Variants in PLEKHG6 observed in about 807,000 individuals in gnomAD.
PLEKHG6 encodes pleckstrin homology and RhoGEF domain containing G6, also known as pleckstrin homology domain-containing family G member 6.
Under a neutral mutation model 97.5 loss-of-function variants are expected in PLEKHG6, and 91 were observed. That is an observed-to-expected ratio of 0.93 (90% CI 0.79 to 1.11). The LOEUF is 1.11. PLEKHG6 is among the 50% of genes most tolerant of loss of function. The probability of loss-of-function intolerance (pLI) is 0.00; values close to 1 mark genes in which losing one functional copy is unlikely to be tolerated. For synonymous variants in PLEKHG6, 466 were observed against 425.5 expected (o/e 1.10, Z -1.17); for missense variants, 1,044 against 1,031.0 (o/e 1.01, Z -0.17).
chr12:6,319,717 A>G, intron 13 of PLEKHG6: 1 of 1,513,834 alleles, frequency 6.6e-7, no homozygotes, highest in Non-Finnish European at 8.8e-7. Context: ...GTCATCTTCC[A>G]TTCGCAGACA....
rs1216539124 is a variant in PLEKHG6, at chr12:6,327,742, C to A, written c.2159C>A (p.Pro720His). ...TCAGGGGAGGAGGAAGAAGAGGGGC[C>A]TCTGTTCCTGAAAGCTGGCCACACA... Reference protein sequence around the residue: ...ESSGEEEEEGPLFLKAGHTSL... With the variant: ...ESSGEEEEEGHLFLKAGHTSL... Residue 720 changes from proline to histidine, a missense_variant, in exon 15 of 16, where the codon CCT (proline) becomes CAT (histidine). By Grantham distance (77) the Pro-to-His change is moderately conservative. Transcript: ENST00000684764. The A allele has an allele frequency of 6.5e-7, 1 of 1,549,826 alleles. No individual in the cohort carries two copies. Among genetic ancestry groups the A allele is most frequent in the Non-Finnish European group, 8.7e-7 (1 of 1,151,512 alleles).
At position 6,327,871 on chromosome 12, in the gene PLEKHG6, G is replaced by A. The variant is rs370286788; in HGVS notation, c.2288G>A (p.Arg763Gln). The change falls in exon 15 of 16, where the codon CGG becomes CAG. Residue 763 changes from arginine to glutamine, a missense_variant. Coordinates refer to ENST00000684764, the MANE Select transcript of PLEKHG6 (RefSeq NM_001384598.1). ...GAEEPRDSRP[R>Q]KLTRAQLQRM... Reference sequence around the variant, plus strand: ...GAGGAGCCCCGGGACAGCAGGCCACGGAAGCTGACTCGGGCCCAGCTGCAG... The same window carrying A: ...GAGGAGCCCCGGGACAGCAGGCCACAGAAGCTGACTCGGGCCCAGCTGCAG... 18 of 1,498,996 alleles carry A rather than the reference G, an allele frequency of 1.2e-5. No homozygotes were observed. The highest frequency in any genetic ancestry group is 2.7e-5 in the South Asian group (2 of 73,018). 92.9% of individuals were successfully genotyped at this position (1,498,996 alleles called of 1,614,324 possible).
At chr12:6,313,150 A>G in intron 2 of PLEKHG6, 1 of 1,548,794 alleles carries the variant, frequency 6.5e-7, no homozygotes, top group Non-Finnish European at 8.7e-7. Flanking sequence ...GCTGGATGGG[A>G]TGCAGGCTGC....
chr12:6,324,720 C>A lies in PLEKHG6; in HGVS notation c.1525-1708C>A, dbSNP rs113209939. 8.3e-3 allele frequency among the ~76,000 whole-genome samples: 1,266 copies of A among 152,298 alleles called. 19 individuals carry two copies. Among genetic ancestry groups the A allele is most frequent in the African/African-American group, 0.028 (1,166 of 41,566 alleles). On this transcript the variant is annotated intron_variant, in intron 13 of 15. Coordinates refer to ENST00000684764, the MANE Select transcript of PLEKHG6 (RefSeq NM_001384598.1). Reference sequence around the variant, plus strand: ...AGAGCCAGAAAAAGCAGAATGGGAACTATAAGCCTGGTGTCATTTTCCTAT... The same window carrying A: ...AGAGCCAGAAAAAGCAGAATGGGAAATATAAGCCTGGTGTCATTTTCCTAT...
rs768627778 is a variant in PLEKHG6, at chr12:6,327,493, A to G, written c.1910A>G (p.Asp637Gly). The change falls in exon 15 of 16, where the codon GAC (aspartate) becomes GGC (glycine). Residue 637 changes from aspartate (D) to glycine (G), a missense_variant. Physicochemically the swap from Asp to Gly is moderately conservative, Grantham distance 94 (BLOSUM62 -1). Coordinates refer to ENST00000684764, the MANE Select transcript of PLEKHG6 (RefSeq NM_001384598.1). ...RDIPLRPHPP[D>G]PQAPQRRSAP... ...ATCCCTCTGCGTCCCCACCCTCCCG[A>G]CCCCCAAGCTCCTCAACGCCGAAGC... is the stretch of plus-strand genomic sequence containing the variant. 3.5e-5 allele frequency: 16 copies of G among 463,258 alleles called. No homozygotes were observed. Among genetic ancestry groups the G allele is most frequent in the South Asian group, 8.3e-5 (5 of 60,558 alleles). The allele number at this position is 463,258 out of a possible 1,614,324, so 28.7% of individuals were successfully genotyped here.
Position 6,316,450 on chromosome 12 carries a change from C to A in PLEKHG6, c.756+46C>A. 2.6e-6 allele frequency: 4 copies of A among 1,510,368 alleles called. No individual in the cohort carries two copies. Among genetic ancestry groups the A allele is most frequent in the Admixed American group, 2.1e-5 (1 of 46,532 alleles). The allele number at this position is 1,510,368 out of a possible 1,614,324, so 93.6% of individuals were successfully genotyped here. On this transcript the variant is annotated intron_variant, in intron 7 of 15. Transcript: ENST00000684764. This position sits in a 1 kb window ranked among gnomAD's most constrained non-coding sequence, Gnocchi z 4.1. Reference sequence around the variant, plus strand: ...TGTCTGGATGGGGCAGGACTCGGAGCCCTCGGGGGTCCTGTGTGTAGGGCA... The same window carrying A: ...TGTCTGGATGGGGCAGGACTCGGAGACCTCGGGGGTCCTGTGTGTAGGGCA...
chr12:6,310,929 AGGCCT>A (rs1406292966), intron 1 of PLEKHG6, 81 bp downstream of exon 1: 6 of 152,674 alleles, frequency 3.9e-5, no homozygotes, highest in African/African-American at 1.2e-4. Context: ...AGGGGAAGGA[AGGCCT>A]GGCCTCCCGA....
intron 13 of PLEKHG6, among the ~76,000 whole-genome samples, chr12:6,322,136 C>T (rs1302915969): frequency 1.3e-5 from 2 of 152,202 alleles, no homozygotes; most frequent in Non-Finnish European, 2.9e-5. Context: ...CACAGTTGGC[C>T]TCCCGAAGCT....
At chr12:6,313,568 C>T in intron 2 of PLEKHG6, 61 bp from the exon 3 acceptor site, 1 of 1,591,042 alleles carries the variant, frequency 6.3e-7, no homozygotes, top group African/African-American at 1.3e-5. Flanking sequence ...CCCCCTACTA[C>T]CTCTCTGGGG....
intron 2 of PLEKHG6, 68 bp from the exon 3 acceptor site, chr12:6,313,561 C>T (rs1947346514): frequency 1.3e-6 from 2 of 1,572,410 alleles, no homozygotes; most frequent in Admixed American, 1.7e-5. Flanking sequence ...AGCCTGCCCC[C>T]CTACTACCTC....
chr12:6,328,009 G>GGC (rs397723499), intron 15 of PLEKHG6, 63 bp downstream of exon 15: 243 of 1,558,470 alleles, frequency 1.6e-4, no homozygotes, highest in Non-Finnish European at 2.0e-4. Context: ...TGGTGGTGGG[G>GGC]TGTAGTATAG....
At position 6,327,372 on chromosome 12, in the gene PLEKHG6, A is replaced by T. The variant is rs772083893; in HGVS notation, c.1789A>T (p.Thr597Ser). ...TGGCTACGGCACTTTGATCCCAGGC[A>T]CCCCCACGGGGTCCCGCTCCCCACT... ...DSGYGTLIPG[T>S]PTGSRSPLSR... is the part of the protein sequence containing the mutation. The change falls in exon 15 of 16, where the codon ACC becomes TCC. Residue 597 changes from threonine to serine, a missense_variant. Physicochemically the swap from Thr to Ser is moderately conservative, Grantham distance 58. Coordinates refer to ENST00000684764, the MANE Select transcript of PLEKHG6 (RefSeq NM_001384598.1). The T allele has an allele frequency of 6.2e-7, 1 of 1,613,778 alleles. No individual in the cohort carries two copies. Among genetic ancestry groups the T allele is most frequent in the Admixed American group, 1.7e-5 (1 of 59,992 alleles).
intron 13 of PLEKHG6, 33 bp from the exon 14 acceptor site, chr12:6,326,395 A>G (rs1488021616): frequency 2.5e-6 from 4 of 1,576,216 alleles, no homozygotes; most frequent in Non-Finnish European, 3.5e-6. Context: ...TCAATAAATG[A>G]GAGCTCTTAA....
In PLEKHG6 at chr12:6,317,555, G is replaced by A. The variant is rs758943613; in HGVS notation, c.876G>A (p.Glu292=). 6.8e-6 allele frequency: 11 copies of A among 1,613,576 alleles called. No individual in the cohort carries two copies. The highest frequency in any genetic ancestry group is 1.6e-4 in the Middle Eastern group (1 of 6,082). Residue 292 remains glutamate, a synonymous_variant, in exon 9 of 16, where the codon GAG becomes GAA. Coordinates refer to ENST00000684764, the MANE Select transcript of PLEKHG6 (RefSeq NM_001384598.1). ...ACCCACCTTCCCTGCAGTGGTGTGA[G>A]AAGCACAAGCGCTCTGGGAGGCAGA... ...PLFHAFVQWC[E]KHKRSGRQML...
intron 2 of PLEKHG6, chr12:6,313,294 T>G: frequency 9.1e-7 from 1 of 1,093,192 alleles, no homozygotes; most frequent in Non-Finnish European, 1.4e-6. Context: ...CCCCCCATGG[T>G]ACGGAGAGCA....
chr12:6,315,023 G>C lies in PLEKHG6; in HGVS notation c.313G>C (p.Glu105Gln). ...PKLKELTKAH[E>Q]LEVRLHTFSM... ...CCCCCAGGAACTCACCAAGGCCCAT[G>C]AGCTGGAGGTGAGGCTGCACACTTT... The change falls in exon 4 of 16, where the codon GAG (glutamate) becomes CAG (glutamine). Residue 105 changes from glutamate to glutamine, a missense_variant. Coordinates refer to ENST00000684764, the MANE Select transcript of PLEKHG6 (RefSeq NM_001384598.1). This position sits in a 1 kb window ranked among gnomAD's most constrained non-coding sequence, Gnocchi z 4.5. The C allele has an allele frequency of 6.2e-7, 1 of 1,613,860 alleles. No homozygotes were observed.
chr12:6,316,524 C>A lies in PLEKHG6; in HGVS notation c.756+120C>A. On this transcript the variant is annotated intron_variant, in intron 7 of 15. Coordinates refer to ENST00000684764, the MANE Select transcript of PLEKHG6 (RefSeq NM_001384598.1). The surrounding 1 kb of genome is among the most constrained non-coding windows in gnomAD (Gnocchi z 4.1). ...TGATTTGAGGGGCCGCAGGACACAG[C>A]CCCTACCCCTAATATCACCTCACCT... 1 of 904,392 alleles carries A rather than the reference C, an allele frequency of 1.1e-6. No individual in the cohort carries two copies. Among genetic ancestry groups the A allele is most frequent in the Non-Finnish European group, 1.6e-6 (1 of 624,222 alleles). The allele number at this position is 904,392 out of a possible 1,614,324, so 56.0% of individuals were successfully genotyped here.
At position 6,319,067 on chromosome 12, in the gene PLEKHG6, A is replaced by G. The variant is rs377006265; in HGVS notation, c.1483A>G (p.Thr495Ala). ...CCTCCTTGTGCACTGTCCCAGTCCT[A>G]CAGACCGTGCCCAGTGGCTGGAGAA... Reference protein sequence around the residue: ...SALLVHCPSPTDRAQWLEKTQ... With the variant: ...SALLVHCPSPADRAQWLEKTQ... Residue 495 changes from threonine (T) to alanine (A), a missense_variant, in exon 13 of 16, where the codon ACA (threonine) becomes GCA (alanine). Physicochemically the swap from Thr to Ala is moderately conservative, Grantham distance 58 (BLOSUM62 0). Transcript: ENST00000684764. The G allele has an allele frequency of 5.0e-6, 8 of 1,611,764 alleles. No individual in the cohort carries two copies. In the African/African-American group the frequency reaches 8.0e-5, roughly 16 times the overall value.
At position 6,312,219 on chromosome 12, in the gene PLEKHG6, G is replaced by C; in HGVS notation, c.-8G>C. On this transcript the variant is annotated 5_prime_UTR_variant, in exon 2 of 16. Coordinates refer to ENST00000684764, the MANE Select transcript of PLEKHG6 (RefSeq NM_001384598.1). ...ATGGCCCTTTGGAGGTGACCCAGGA[G>C]AGAAGGGATGAAGGCCTTTGGTCCT... The C allele has an allele frequency of 6.7e-7, 1 of 1,492,394 alleles. No homozygotes were observed. Among genetic ancestry groups the C allele is most frequent in the Non-Finnish European group, 8.9e-7 (1 of 1,126,592 alleles). 92.4% of individuals were successfully genotyped at this position (1,492,394 alleles called of 1,614,324 possible).
Sources: gnomAD v4.1 joint callset for allele counts (sites outside exome capture counted in the v4.1 genomes callset) on GRCh38, gnomAD v4.1.1 for gene constraint, Gnocchi (gnomAD v3.1) non-coding constraint, MANE v1.5 for transcripts, NCBI Gene and HGNC (gene_info 2026-07-23, HGNC 2026-07-21) for gene names.